Variants in PDE4B observed in about 807,000 individuals in gnomAD.
PDE4B encodes the protein phosphodiesterase 4B, also known as 3',5'-cyclic-AMP phosphodiesterase 4B.
In PDE4B, 20 loss-of-function variants were observed where a neutral mutation model predicts 82.2. That is an observed-to-expected ratio of 0.24 (90% CI 0.17 to 0.35). The LOEUF (loss-of-function observed/expected upper bound fraction) is 0.35. Ranked by LOEUF, PDE4B falls within the 10% of genes least tolerant of loss-of-function variation. PDE4B has a pLI of 1.00. For missense variants in PDE4B, 655 were observed against 907.2 expected (o/e 0.72, Z 3.57); for synonymous variants, 320 against 318.9 (o/e 1.00, Z -0.04).
intron 7 of PDE4B, among the ~76,000 whole-genome samples, chr1:66,310,171 G>C (rs759972923): frequency 1.3e-5 from 2 of 152,150 alleles, no homozygotes; most frequent in Non-Finnish European, 2.9e-5. Flanking sequence ...TTCTTGATGA[G>C]TTTTAGAATA....
chr1:66,042,057 A>G (rs1011598449), intron 3 of PDE4B, among the ~76,000 whole-genome samples: 2 of 151,974 alleles, frequency 1.3e-5, no homozygotes, highest in African/African-American at 4.8e-5. Context: ...AGATATATTT[A>G]ATGAGACATT....
At chr1:66,257,441 G>A (rs1307565325) in intron 4 of PDE4B, 3 of 757,614 alleles carry the variant, frequency 4.0e-6, no homozygotes, top group South Asian at 2.8e-5. Context: ...GTAAATTCAG[G>A]AGTCATGAAT....
At chr1:66,258,403 C>T (rs1190885781) in intron 6 of PDE4B, among the ~76,000 whole-genome samples, 1 of 152,094 alleles carries the variant, frequency 6.6e-6, no homozygotes, top group South Asian at 2.1e-4. Context: ...CCTTGATCTC[C>T]GTATCTATAA....
At chr1:66,141,846 C>T (rs1033195302) in intron 3 of PDE4B, among the ~76,000 whole-genome samples, 1 of 152,094 alleles carries the variant, frequency 6.6e-6, no homozygotes, top group Non-Finnish European at 1.5e-5. Context: ...ATCATGAAAA[C>T]AGCAAGGGAG....
At chr1:66,355,490 T>G in intron 8 of PDE4B, 37 bp from the exon 9 acceptor site, 1 of 1,341,108 alleles carries the variant, frequency 7.5e-7, no homozygotes, top group African/African-American at 1.4e-5. Flanking sequence ...TTTGCTCTTT[T>G]TAAAGTGGTT....
At chr1:66,050,816 A>G (rs865824248) in intron 3 of PDE4B, 1 of 152,134 alleles carries the variant, frequency 6.6e-6, no homozygotes, top group Admixed American at 6.6e-5. Flanking sequence ...CATCGTTACT[A>G]TAGAAACAAA....
chr1:66,122,831 A>G (rs1393669952), intron 3 of PDE4B, among the ~76,000 whole-genome samples: 2 of 149,268 alleles, frequency 1.3e-5, no homozygotes, highest in African/African-American at 4.9e-5. Context: ...TCAGCCTCCC[A>G]AGTAGCTGGG....
chr1:66,205,478 A>G (rs1023414163), intron 3 of PDE4B, among the ~76,000 whole-genome samples: 6 of 152,158 alleles, frequency 3.9e-5, no homozygotes, highest in Non-Finnish European at 8.8e-5. Context: ...TTTCCAATCC[A>G]TCTTTCTTCA....
In PDE4B at chr1:66,368,825, C is replaced by T; in HGVS notation, c.1701C>T (p.Asn567=). The T allele has an allele frequency of 6.2e-7, 1 of 1,612,216 alleles. No homozygotes were observed. The highest frequency in any genetic ancestry group is 8.5e-7 in the Non-Finnish European group (1 of 1,178,986). Residue 567 remains asparagine (N), a synonymous_variant, in exon 16 of 17, where the codon AAC becomes AAT. Coordinates refer to ENST00000341517, the MANE Select transcript of PDE4B (RefSeq NM_002600.4). ...RNMVHCADLS[N]PTKSLELYRQ... is the part of the protein sequence containing the mutation. ...TGGTACACTGTGCAGACCTGAGCAA[C>T]CCCACCAAGTCCTTGGAATTGTATC...
chr1:65,914,472 T>TCTC (rs1553120182), intron 2 of PDE4B, among the ~76,000 whole-genome samples: 6 of 143,590 alleles, frequency 4.2e-5, no homozygotes, highest in Non-Finnish European at 6.0e-5. Flanking sequence ...TTCTTCTTCT[T>TCTC]TTTTTTTTTT....
At chr1:66,120,563 A>T (rs1052355707) in intron 3 of PDE4B, among the ~76,000 whole-genome samples, 1 of 152,040 alleles carries the variant, frequency 6.6e-6, no homozygotes, top group Non-Finnish European at 1.5e-5. Context: ...ACCATTTTTT[A>T]ATTTTTTAAT....
At chr1:66,014,415 T>C (rs926072484) in intron 3 of PDE4B, among the ~76,000 whole-genome samples, 4 of 152,304 alleles carry the variant, frequency 2.6e-5, no homozygotes, top group African/African-American at 9.6e-5. Context: ...AGAAGTTTTA[T>C]AGTTTGGGTC....
intron 3 of PDE4B, among the ~76,000 whole-genome samples, chr1:66,089,115 G>A (rs977286839): frequency 6.6e-6 from 1 of 152,040 alleles, no homozygotes; most frequent in African/African-American, 2.4e-5. Context: ...TCAAGTCCTG[G>A]CTCTGTCACT....
intron 1 of PDE4B, among the ~76,000 whole-genome samples, chr1:65,835,022 A>G (rs1646124876): frequency 6.6e-6 from 1 of 152,232 alleles, no homozygotes; most frequent in Non-Finnish European, 1.5e-5. Context: ...CCATAAAGAT[A>G]CAGAACATAA....
At chr1:66,075,030 C>T (rs1047586817) in intron 3 of PDE4B, among the ~76,000 whole-genome samples, 16 of 151,992 alleles carry the variant, frequency 1.1e-4, no homozygotes, top group Admixed American at 1.0e-3. Flanking sequence ...TGATGTTAGA[C>T]AGCAATTTTT....
At chr1:66,233,811 G>T (rs1386050174) in intron 3 of PDE4B, among the ~76,000 whole-genome samples, 2 of 152,104 alleles carry the variant, frequency 1.3e-5, no homozygotes, top group African/African-American at 2.4e-5. Flanking sequence ...TTAGCATGGA[G>T]AACTACATTG....
At position 65,857,061 on chromosome 1, in the gene PDE4B, C is replaced by T. The variant is rs530657870; in HGVS notation, c.-70-56184C>T. 4.6e-5 allele frequency among the ~76,000 whole-genome samples: 7 copies of T among 152,288 alleles called. No homozygotes were observed. The South Asian group carries it at 1.5e-3, about 32-fold the overall frequency. On this transcript the variant is annotated intron_variant, in intron 1 of 16. Transcript: ENST00000341517. ...TTGTCCCATTTCCATTACCATCATG[C>T]TGGTGCCTGTTCTAGCTCCCTAACT...
chr1:66,190,739 C>A (rs1023722692), intron 3 of PDE4B, among the ~76,000 whole-genome samples: 1 of 152,130 alleles, frequency 6.6e-6, no homozygotes, highest in African/African-American at 2.4e-5. Context: ...CATCTGTCAC[C>A]CCTTTCTTTG....
At chr1:65,995,544 C>G (rs535982361) in intron 3 of PDE4B, among the ~76,000 whole-genome samples, 2 of 152,164 alleles carry the variant, frequency 1.3e-5, no homozygotes, top group Non-Finnish European at 2.9e-5. Context: ...ATGGTCTGCT[C>G]TACCTCCTGT....
Sources: gnomAD v4.1 joint callset for allele counts (sites outside exome capture counted in the v4.1 genomes callset) on GRCh38, gnomAD v4.1.1 for gene constraint, MANE v1.5 for transcripts, NCBI Gene and HGNC (gene_info 2026-07-23, HGNC 2026-07-21) for gene names.